Variants in ETV6 observed in about 807,000 individuals in gnomAD.
ETV6 encodes transcription factor ETV6.
ETV6 carries 16 observed loss-of-function variants against 51.1 expected under a neutral mutation model. The observed-to-expected ratio is 0.31, with a 90% CI of 0.21 to 0.48. The LOEUF (loss-of-function observed/expected upper bound fraction) is 0.48, where lower values mean the gene tolerates loss of function less well. Ranked by LOEUF, ETV6 falls within the 20% of genes least tolerant of loss-of-function variation. The probability of loss-of-function intolerance (pLI) is 0.99; values close to 1 mark genes in which losing one functional copy is unlikely to be tolerated. For synonymous variants in ETV6, 240 were observed against 224.1 expected (o/e 1.07, Z -0.64); for missense variants, 458 against 594.8 (o/e 0.77, Z 2.39).
chr12:11,685,928 C>T (rs778687446), intron 1 of ETV6, among the ~76,000 whole-genome samples: 2 of 152,174 alleles, frequency 1.3e-5, no homozygotes, highest in African/African-American at 2.4e-5. Flanking sequence ...CATTCGAAGA[C>T]GTTACATTTA....
intron 2 of ETV6, among the ~76,000 whole-genome samples, chr12:11,789,756 A>AT (rs764826840): frequency 1.8e-4 from 27 of 151,788 alleles, no homozygotes; most frequent in Admixed American, 2.0e-4. Context: ...ACTCCATTGC[A>AT]TTTTTTTTCA....
At chr12:11,741,373 G>T (rs1351718879) in intron 1 of ETV6, among the ~76,000 whole-genome samples, 3 of 152,212 alleles carry the variant, frequency 2.0e-5, no homozygotes, top group Non-Finnish European at 4.4e-5. Flanking sequence ...ATCACATGAA[G>T]ATGGACAGAC....
At chr12:11,716,050 T>C (rs1408251836) in intron 1 of ETV6, among the ~76,000 whole-genome samples, 1 of 152,182 alleles carries the variant, frequency 6.6e-6, no homozygotes, top group Non-Finnish European at 1.5e-5. Flanking sequence ...AACATCTTGC[T>C]TATTACCCTT....
intron 7 of ETV6, 68 bp downstream of exon 7, chr12:11,886,094 G>C (rs375292523): frequency 8.8e-7 from 1 of 1,140,116 alleles, no homozygotes; most frequent in Admixed American, 1.7e-5. Flanking sequence ...ACGGGGAGTG[G>C]GGGGAGACTG....
At chr12:11,655,841 C>A (rs1432192379) in intron 1 of ETV6, among the ~76,000 whole-genome samples, 1 of 152,212 alleles carries the variant, frequency 6.6e-6, no homozygotes, top group East Asian at 1.9e-4. Flanking sequence ...ATGAGCATAA[C>A]TGCTCACTCA....
chr12:11,664,872 C>G (rs1051641350), intron 1 of ETV6, among the ~76,000 whole-genome samples: 2 of 152,138 alleles, frequency 1.3e-5, no homozygotes, highest in African/African-American at 4.8e-5. Flanking sequence ...TGGAATGATT[C>G]TTTGCAGATA....
intron 4 of ETV6, among the ~76,000 whole-genome samples, chr12:11,856,221 C>A (rs1011986703): frequency 2.0e-5 from 3 of 152,182 alleles, no homozygotes; most frequent in Non-Finnish European, 2.9e-5. Flanking sequence ...CAAGTAAATA[C>A]AGATGTGCCA....
At chr12:11,818,382 G>C (rs1453792845) in intron 2 of ETV6, among the ~76,000 whole-genome samples, 4 of 152,100 alleles carry the variant, frequency 2.6e-5, no homozygotes, top group African/African-American at 9.7e-5. Flanking sequence ...ACAAAAATTA[G>C]CTGAGCGTGG....
chr12:11,659,644 A>G (rs1235057884), intron 1 of ETV6, among the ~76,000 whole-genome samples: 3 of 152,208 alleles, frequency 2.0e-5, no homozygotes, highest in African/African-American at 7.2e-5. Context: ...CAAAGATGAC[A>G]TGCAGACTCT....
At chr12:11,741,574 G>A (rs997192884) in intron 1 of ETV6, among the ~76,000 whole-genome samples, 1 of 152,200 alleles carries the variant, frequency 6.6e-6, no homozygotes, top group African/African-American at 2.4e-5. Flanking sequence ...GGTGGACATG[G>A]GGGGAGCTGC....
rs1386691671 is a variant in ETV6 at position 11,894,436 on chromosome 12, G to A, written c.*3390G>A. The A allele has an allele frequency of 2.6e-5, 6 of 233,056 alleles. No individual in the cohort carries two copies. The highest frequency in any genetic ancestry group is 5.6e-5 in the Admixed American group (1 of 17,770). 14.4% of individuals were successfully genotyped at this position (233,056 alleles called of 1,614,324 possible). A position where few individuals can be genotyped will look rare whatever the true frequency, so the allele number is the denominator to read the frequency against. On this transcript the variant is annotated 3_prime_UTR_variant, in exon 8 of 8. Coordinates refer to ENST00000396373, the MANE Select transcript of ETV6 (RefSeq NM_001987.5). ...GAACTCTAAGATCTTGACCCAGGGC[G>A]ACTTGGTTTTGCTTAAGGTGGCATC...
intron 1 of ETV6, among the ~76,000 whole-genome samples, chr12:11,749,288 T>TAC (rs761925697): frequency 0.018 from 2,258 of 122,710 alleles, 30 homozygotes; most frequent in Middle Eastern, 0.031. Context: ...ATCCCCCCCA[T>TAC]ACACACACAC....
intron 3 of ETV6, among the ~76,000 whole-genome samples, chr12:11,845,287 A>G (rs1428601513): frequency 6.6e-6 from 1 of 152,242 alleles, no homozygotes; most frequent in African/African-American, 2.4e-5. Flanking sequence ...AGACCTAGGT[A>G]GCCTTGCAGA....
chr12:11,811,742 A>G (rs1049474597), intron 2 of ETV6, among the ~76,000 whole-genome samples: 1 of 152,178 alleles, frequency 6.6e-6, no homozygotes, highest in Non-Finnish European at 1.5e-5. Flanking sequence ...TAAAATTTTC[A>G]CAACAATCCC....
intron 1 of ETV6, among the ~76,000 whole-genome samples, chr12:11,715,395 T>C (rs1865255650): frequency 1.3e-5 from 2 of 152,170 alleles, no homozygotes; most frequent in African/African-American, 2.4e-5. Context: ...ACTAGATACA[T>C]AGTGAGTGCC....
intron 5 of ETV6, 140 bp from the exon 6 acceptor site, chr12:11,884,305 G>A (rs574754452): frequency 1.1e-5 from 10 of 951,956 alleles, no homozygotes; most frequent in East Asian, 9.8e-5. Flanking sequence ...GTTTCTTCCC[G>A]GTAAAACAAG....
intron 1 of ETV6, among the ~76,000 whole-genome samples, chr12:11,746,249 G>A (rs1865906250): frequency 6.6e-6 from 1 of 152,152 alleles, no homozygotes; most frequent in African/African-American, 2.4e-5. Flanking sequence ...AGTCATTGTT[G>A]ACTGGTTGGC....
intron 7 of ETV6, among the ~76,000 whole-genome samples, chr12:11,887,762 A>AG (rs898305359): frequency 2.6e-5 from 4 of 151,698 alleles, no homozygotes; most frequent in African/African-American, 9.7e-5. Flanking sequence ...AAAAAAAAAA[A>AG]AAAGAAAAGA....
At chr12:11,748,888 A>AT (rs199998816) in intron 1 of ETV6, among the ~76,000 whole-genome samples, 4,347 of 152,016 alleles carry the variant, frequency 0.029, 74 homozygotes, top group Middle Eastern at 0.037. Context: ...ATACTTCATT[A>AT]TTTTTTTTAA....
Sources: allele counts gnomAD v4.1 joint callset (sites outside exome capture counted in the v4.1 genomes callset), GRCh38; gene constraint gnomAD v4.1.1; transcripts MANE v1.5; gene names NCBI Gene and HGNC (gene_info 2026-07-23, HGNC 2026-07-21).